The following GRAMD1B variants were observed in gnomAD, a reference collection of about 807,000 sequenced individuals.
GRAMD1B encodes protein Aster-B.
A neutral mutation model predicts 99.7 loss-of-function variants in GRAMD1B; 37 were observed. The ratio of observed to expected loss-of-function variants is 0.37; its 90% CI spans 0.29 to 0.49. The LOEUF (loss-of-function observed/expected upper bound fraction) is 0.49, where lower values mean the gene tolerates loss of function less well. Among genes scored for constraint, GRAMD1B ranks in the 20% least tolerant of loss-of-function variants. The pLI, the probability that GRAMD1B is intolerant of heterozygous loss-of-function variation, is 0.98. For missense variants in GRAMD1B, 888 were observed against 1,009.2 expected (o/e 0.88, Z 1.63); for synonymous variants, 427 against 387.6 (o/e 1.10, Z -1.19).
At chr11:123,443,469 A>T (rs558150632) in intron 1 of GRAMD1B, among the ~76,000 whole-genome samples, 1 of 152,200 alleles carries the variant, frequency 6.6e-6, no homozygotes, top group Admixed American at 6.5e-5. Context: ...AATAATCAAT[A>T]CATGTGAGGT....
At chr11:123,416,428 G>T (rs1948234963) in intron 1 of GRAMD1B, among the ~76,000 whole-genome samples, 1 of 152,134 alleles carries the variant, frequency 6.6e-6, no homozygotes, top group African/African-American at 2.4e-5. Flanking sequence ...TGATAATAAT[G>T]ATATGATAAA....
Position 123,446,751 on chromosome 11 carries a change from A to G in GRAMD1B, c.374+15585A>G, listed in dbSNP as rs59407813. Among the ~76,000 whole-genome samples, 1,061 of 152,152 alleles carry G rather than the reference A, an allele frequency of 7.0e-3. 13 individuals are homozygous for G. The highest frequency in any genetic ancestry group is 0.024 in the African/African-American group (981 of 41,498). On this transcript the variant is annotated intron_variant, in intron 1 of 19. Coordinates refer to ENST00000635736, the MANE Select transcript of GRAMD1B (RefSeq NM_001387025.1). The stretch of plus-strand genomic sequence containing the variant: ...ATTGTGCGCTTACTGGGAACCTGGC[A>G]CTGTTGCTGTGTGCTTGGGATACAA...
intron 2 of GRAMD1B, among the ~76,000 whole-genome samples, chr11:123,505,746 TAAC>T (rs1940361331): frequency 6.6e-6 from 1 of 152,136 alleles, no homozygotes; most frequent in South Asian, 2.1e-4. Flanking sequence ...AGTTGATGGT[TAAC>T]AAGCAAAAGA....
chr11:123,363,327 T>C (rs925231327), intron 1 of GRAMD1B, among the ~76,000 whole-genome samples: 1 of 152,182 alleles, frequency 6.6e-6, no homozygotes, highest in Admixed American at 6.5e-5. Context: ...ACACAACCAG[T>C]GCTGGGGTGG....
At chr11:123,509,001 A>C (rs1030484134) in intron 2 of GRAMD1B, among the ~76,000 whole-genome samples, 6 of 152,052 alleles carry the variant, frequency 3.9e-5, no homozygotes, top group Non-Finnish European at 5.9e-5. Flanking sequence ...TCTTTTTTAA[A>C]TTATGTTTTA....
chr11:123,452,443 C>T (rs181168035), intron 1 of GRAMD1B, among the ~76,000 whole-genome samples: 2 of 152,144 alleles, frequency 1.3e-5, no homozygotes, highest in Admixed American at 6.5e-5. Context: ...GTCAGGAGTT[C>T]GAGACCAGCC....
chr11:123,594,015 C>A, intron 4 of GRAMD1B, 67 bp from the exon 5 acceptor site: 2 of 1,074,956 alleles, frequency 1.9e-6, no homozygotes, highest in Non-Finnish European at 2.9e-6. Flanking sequence ...TGCTCCTCAT[C>A]TTGCCCTTCC....
intron 1 of GRAMD1B, among the ~76,000 whole-genome samples, chr11:123,400,764 C>T (rs1947631359): frequency 6.6e-6 from 1 of 152,144 alleles, no homozygotes; most frequent in Admixed American, 6.5e-5. Context: ...ATATGAATTA[C>T]AGGGAAACAT....
chr11:123,577,307 G>C, intron 2 of GRAMD1B, 60 bp from the exon 3 acceptor site: 1 of 1,391,320 alleles, frequency 7.2e-7, no homozygotes, highest in Non-Finnish European at 1.0e-6. Flanking sequence ...ATCACTGACT[G>C]CCTGCCTTTC....
intron 1 of GRAMD1B, among the ~76,000 whole-genome samples, chr11:123,411,161 C>T (rs1419227448): frequency 3.9e-5 from 6 of 152,046 alleles, no homozygotes; most frequent in Non-Finnish European, 8.8e-5. Context: ...CCCGCCACCA[C>T]ACCCGGCTAA....
intron 2 of GRAMD1B, among the ~76,000 whole-genome samples, chr11:123,511,207 G>C (rs1487111732): frequency 1.3e-5 from 2 of 152,090 alleles, no homozygotes; most frequent in African/African-American, 2.4e-5. Flanking sequence ...GAATGGGTGG[G>C]GTTGGTGCGG....
At chr11:123,383,603 C>T (rs187607893) in intron 1 of GRAMD1B, among the ~76,000 whole-genome samples, 12 of 152,190 alleles carry the variant, frequency 7.9e-5, no homozygotes, top group African/African-American at 2.9e-4. Flanking sequence ...GTCACACCTA[C>T]TCATTTTCTC....
At chr11:123,494,323 G>C (rs949922982) in intron 2 of GRAMD1B, among the ~76,000 whole-genome samples, 1 of 151,800 alleles carries the variant, frequency 6.6e-6, no homozygotes, top group African/African-American at 2.4e-5. Context: ...GAAATGTTTT[G>C]ATCTGTGACC....
intron 7 of GRAMD1B, chr11:123,597,905 C>T: frequency 1.1e-6 from 1 of 925,344 alleles, no homozygotes. Flanking sequence ...CTCAGGGAAG[C>T]CTGGGCTAGC....
intron 2 of GRAMD1B, among the ~76,000 whole-genome samples, chr11:123,544,875 C>G (rs1944906254): frequency 6.6e-6 from 1 of 152,242 alleles, no homozygotes; most frequent in Non-Finnish European, 1.5e-5. Flanking sequence ...TCTTTTCTTT[C>G]CTGGTGGCTG....
intron 2 of GRAMD1B, among the ~76,000 whole-genome samples, chr11:123,562,363 G>A (rs556896323): frequency 2.1e-4 from 32 of 152,224 alleles, no homozygotes; most frequent in Non-Finnish European, 3.5e-4. Flanking sequence ...TTTCTGTTTA[G>A]ACCAGAGGCC....
At chr11:123,478,618 T>TA (rs962661071) in intron 1 of GRAMD1B, among the ~76,000 whole-genome samples, 66 of 152,294 alleles carry the variant, frequency 4.3e-4, no homozygotes, top group African/African-American at 1.5e-3. Context: ...AATATCAGCT[T>TA]AGAATTATTT....
intron 2 of GRAMD1B, among the ~76,000 whole-genome samples, chr11:123,576,523 G>A (rs1010262205): frequency 6.6e-5 from 10 of 152,168 alleles, no homozygotes; most frequent in Admixed American, 3.9e-4. Context: ...CATTGAAAAC[G>A]GAAGTGAAAT....
At chr11:123,598,688 C>A in intron 7 of GRAMD1B, 1 of 1,010,158 alleles carries the variant, frequency 9.9e-7, no homozygotes, top group South Asian at 1.3e-5. Flanking sequence ...CCAGAGAGGC[C>A]AACTCCTCCC....
Sources: allele counts gnomAD v4.1 joint callset (sites outside exome capture counted in the v4.1 genomes callset), GRCh38; gene constraint gnomAD v4.1.1; transcripts MANE v1.5; gene names NCBI Gene and HGNC (gene_info 2026-07-23, HGNC 2026-07-21).